SLC41A2: variants seen among roughly 807,000 people sequenced by gnomAD.
The protein encoded by SLC41A2 is solute carrier family 41 member 2.
A neutral mutation model predicts 58.3 loss-of-function variants in SLC41A2; 32 were observed. The observed-to-expected ratio is 0.55, with a 90% CI of 0.41 to 0.74. SLC41A2 has a LOEUF of 0.74. Among genes scored for constraint, SLC41A2 ranks in the 30% least tolerant of loss-of-function variants. The pLI is 0.00. For synonymous variants in SLC41A2, 190 were observed against 235.0 expected (o/e 0.81, Z 1.75); for missense variants, 514 against 680.6 (o/e 0.76, Z 2.72).
chr12:104,861,329 T>A lies in SLC41A2; in HGVS notation c.1217A>T (p.Asn406Ile). The A allele has an allele frequency of 6.2e-7, 1 of 1,613,500 alleles. No homozygotes were observed. Residue 406 changes from asparagine to isoleucine, a missense_variant, in exon 8 of 11, where the codon AAC becomes ATC. By Grantham distance (149) the Asn-to-Ile change is moderately radical (BLOSUM62 -3). Around this residue, in one of 3 missense-constraint regions of SLC41A2, gnomAD observed 50 missense variants for 104.5 expected, o/e 0.48. Coordinates refer to ENST00000258538, the MANE Select transcript of SLC41A2 (RefSeq NM_001352171.3). ...CGTGTAAACAACAATCCCAACCAAG[T>A]TTGGGTCTGATACAGTTGTGTCCAG... ...LILDTTVSDP[N>I]LVGIVVYTPV... is the part of the protein sequence containing the mutation.
intron 8 of SLC41A2, among the ~76,000 whole-genome samples, chr12:104,852,602 T>C (rs2042842235): frequency 6.6e-6 from 1 of 152,160 alleles, no homozygotes. Context: ...TATCACACTG[T>C]AGTCCAGGAA....
intron 2 of SLC41A2, among the ~76,000 whole-genome samples, chr12:104,917,869 GC>G (rs1371723027): frequency 6.8e-6 from 1 of 147,154 alleles, no homozygotes; most frequent in Non-Finnish European, 1.5e-5. Context: ...TATACCTAAT[GC>G]TAAATGATGA....
chr12:104,879,328 T>C (rs1171852531), intron 6 of SLC41A2, among the ~76,000 whole-genome samples: 1 of 152,238 alleles, frequency 6.6e-6, no homozygotes, highest in Non-Finnish European at 1.5e-5. Context: ...ATCCCATTTG[T>C]CTATTTTGGC....
At chr12:104,886,998 A>T (rs2044702814) in intron 5 of SLC41A2, among the ~76,000 whole-genome samples, 1 of 152,054 alleles carries the variant, frequency 6.6e-6, no homozygotes, top group Non-Finnish European at 1.5e-5. Flanking sequence ...TTTGTAAAAG[A>T]TATTCTTTAA....
rs541575910 is a variant in SLC41A2 at position 104,819,828 on chromosome 12, C to A, written c.1537-14491G>T. On this transcript the variant is annotated intron_variant, in intron 10 of 10. Coordinates refer to ENST00000258538, the MANE Select transcript of SLC41A2 (RefSeq NM_001352171.3). ...TTCAGTAGAATCCCCTTTCCCCAACCCTTCTTTTCCTCCTGTAAGGATACA... is the reference window on the plus strand; with the variant it reads ...TTCAGTAGAATCCCCTTTCCCCAACACTTCTTTTCCTCCTGTAAGGATACA... 6.6e-5 allele frequency among the ~76,000 whole-genome samples: 10 copies of A among 152,336 alleles called. No homozygotes were observed. In the South Asian group the frequency reaches 2.1e-3, roughly 32 times the overall value.
chr12:104,866,297 C>T (rs1338670327), intron 7 of SLC41A2, 135 bp downstream of exon 7: 2 of 1,222,566 alleles, frequency 1.6e-6, no homozygotes, highest in African/African-American at 1.6e-5. Flanking sequence ...AATAATTAAC[C>T]TAAGAAATAA....
At chr12:104,931,361 T>A (rs1346669793) in intron 1 of SLC41A2, among the ~76,000 whole-genome samples, 1 of 152,188 alleles carries the variant, frequency 6.6e-6, no homozygotes, top group African/African-American at 2.4e-5. Flanking sequence ...CACAGTACCC[T>A]ACCCTGCAGA....
At chr12:104,851,276 G>A (rs1170342390) in intron 8 of SLC41A2, among the ~76,000 whole-genome samples, 2 of 152,056 alleles carry the variant, frequency 1.3e-5, no homozygotes, top group Non-Finnish European at 2.9e-5. Context: ...ATTGGTCAGA[G>A]GATGTCCAGA....
Position 104,854,650 on chromosome 12 carries a change from A to G in SLC41A2, c.1255+6641T>C, listed in dbSNP as rs555600469. 4.0e-5 allele frequency among the ~76,000 whole-genome samples: 6 copies of G among 151,882 alleles called. No individual in the cohort carries two copies. In the South Asian group the frequency reaches 1.0e-3, roughly 26 times the overall value. ...TGGGTTACAGCTGTGTCAAGATACT[A>G]TCCTCCAAGCTCTTGGCATGGCTGC... On this transcript the variant is annotated intron_variant, in intron 8 of 10. Transcript: ENST00000258538.
intron 8 of SLC41A2, among the ~76,000 whole-genome samples, chr12:104,854,278 C>T (rs984921143): frequency 1.3e-5 from 2 of 151,888 alleles, no homozygotes; most frequent in Non-Finnish European, 2.9e-5. Flanking sequence ...TGAAAAACAC[C>T]GCCGGCTGGG....
intron 3 of SLC41A2, among the ~76,000 whole-genome samples, chr12:104,897,099 G>A (rs1034943953): frequency 6.6e-6 from 1 of 150,838 alleles, no homozygotes; most frequent in Admixed American, 6.6e-5. Flanking sequence ...TACATACCAT[G>A]GCTCTGTTTT....
intron 6 of SLC41A2, among the ~76,000 whole-genome samples, chr12:104,879,984 T>G (rs1254214686): frequency 1.3e-5 from 2 of 152,194 alleles, no homozygotes; most frequent in Non-Finnish European, 2.9e-5. Flanking sequence ...AAGAGGTCCT[T>G]CACATTCCGT....
chr12:104,904,784 G>A (rs539042479), intron 3 of SLC41A2, among the ~76,000 whole-genome samples: 9 of 152,172 alleles, frequency 5.9e-5, no homozygotes, highest in South Asian at 2.1e-4. Flanking sequence ...TGGTGGGCTC[G>A]TGGTCTCGCT....
intron 6 of SLC41A2, among the ~76,000 whole-genome samples, chr12:104,881,143 T>C (rs943250694): frequency 6.6e-6 from 1 of 152,240 alleles, no homozygotes; most frequent in Non-Finnish European, 1.5e-5. Context: ...TTTGTATTTC[T>C]GTGGGATTGG....
intron 6 of SLC41A2, among the ~76,000 whole-genome samples, chr12:104,883,915 G>A (rs202196074): frequency 6.6e-6 from 1 of 152,218 alleles, no homozygotes; most frequent in Non-Finnish European, 1.5e-5. Flanking sequence ...AGTTTCTGCT[G>A]CCTTTTATTC....
intron 1 of SLC41A2, among the ~76,000 whole-genome samples, chr12:104,949,048 T>G (rs1003949740): frequency 6.6e-6 from 1 of 152,116 alleles, no homozygotes; most frequent in Non-Finnish European, 1.5e-5. Flanking sequence ...AAACCCCATC[T>G]CTACTAAAAA....
rs1000248494 is a variant in SLC41A2 at position 104,958,265 on chromosome 12, T to C, written c.-345A>G. Reference sequence around the variant, plus strand: ...AGCTCCTTCCTGCTCCCGCGCCTCCTCGCGCGGCTGCGGCCCCAAGCTGAC... The same window carrying C: ...AGCTCCTTCCTGCTCCCGCGCCTCCCCGCGCGGCTGCGGCCCCAAGCTGAC... On this transcript the variant is annotated 5_prime_UTR_variant, in exon 1 of 11. Coordinates refer to ENST00000258538, the MANE Select transcript of SLC41A2 (RefSeq NM_001352171.3). 21 of 150,442 alleles carry C rather than the reference T, an allele frequency of 1.4e-4. No individual in the cohort carries two copies. The highest frequency in any genetic ancestry group is 5.1e-4 in the African/African-American group (21 of 41,128). 9.3% of individuals were successfully genotyped at this position (150,442 alleles called of 1,614,324 possible).
At chr12:104,837,591 G>A (rs896666901) in intron 10 of SLC41A2, among the ~76,000 whole-genome samples, 2 of 152,224 alleles carry the variant, frequency 1.3e-5, no homozygotes, top group African/African-American at 4.8e-5. Flanking sequence ...CAATGAAAGC[G>A]TGGTATGTGA....
At chr12:104,825,428 C>A (rs2041805579) in intron 10 of SLC41A2, among the ~76,000 whole-genome samples, 1 of 152,216 alleles carries the variant, frequency 6.6e-6, no homozygotes, top group Admixed American at 6.5e-5. Context: ...GAATTCAACC[C>A]AGTCTGAACC....
Sources: allele counts gnomAD v4.1 joint callset (sites outside exome capture counted in the v4.1 genomes callset), GRCh38; gene constraint gnomAD v4.1.1; regional missense constraint gnomAD v4.1.1; transcripts MANE v1.5; gene names NCBI Gene and HGNC (gene_info 2026-07-23, HGNC 2026-07-21).